The following PCDH11X variants were observed in gnomAD, a reference collection of about 807,000 sequenced individuals.
PCDH11X encodes the protein protocadherin-11 X-linked.
A neutral mutation model predicts 53.3 loss-of-function variants in PCDH11X; 18 were observed. The observed-to-expected ratio is 0.34, with a 90% CI of 0.23 to 0.50. The LOEUF (loss-of-function observed/expected upper bound fraction) is 0.50, where lower values mean the gene tolerates loss of function less well. PCDH11X is among the 20% of genes least tolerant of loss of function. PCDH11X has a pLI of 0.98. For synonymous variants in PCDH11X, 279 were observed against 393.3 expected (o/e 0.71, Z 3.44); for missense variants, 570 against 1,032.4 (o/e 0.55, Z 6.14).
chrX:91,826,013 C>G (rs1032786536), intron 4 of PCDH11X, among the ~76,000 whole-genome samples: 17 of 109,743 alleles, frequency 1.5e-4, no homozygotes, highest in Non-Finnish European at 3.0e-4. Context: ...TATACTAATA[C>G]TTTTGAAGCA....
At chrX:92,103,104 A>G (rs1602927612) in intron 6 of PCDH11X, among the ~76,000 whole-genome samples, 1 of 110,258 alleles carries the variant, frequency 9.1e-6, no homozygotes, top group East Asian at 2.9e-4. Flanking sequence ...GTGGGGGGAT[A>G]TGAGAGGAAG....
chrX:91,887,678 A>G (rs1217562308), intron 6 of PCDH11X, among the ~76,000 whole-genome samples: 1 of 111,953 alleles, frequency 8.9e-6, no homozygotes, highest in Non-Finnish European at 1.9e-5. Context: ...TGAAGGCTAT[A>G]TAACTTTTTG....
intron 6 of PCDH11X, among the ~76,000 whole-genome samples, chrX:92,167,239 T>C (rs2065750727): frequency 9.0e-6 from 1 of 111,466 alleles, no homozygotes; most frequent in African/African-American, 3.3e-5. Flanking sequence ...CAGGGAATCT[T>C]CTCTTAAGAA....
At chrX:92,019,974 G>C (rs146529761) in intron 6 of PCDH11X, among the ~76,000 whole-genome samples, 1,745 of 111,846 alleles carry the variant, frequency 0.016, 19 homozygotes, top group Middle Eastern at 0.028. Flanking sequence ...TGAGGCAGGG[G>C]AGCCCCCAAT....
At chrX:91,866,070 AT>A (rs1938972126) in intron 5 of PCDH11X, among the ~76,000 whole-genome samples, 1 of 110,374 alleles carries the variant, frequency 9.1e-6, no homozygotes, top group Non-Finnish European at 1.9e-5. Flanking sequence ...TGGGGGCCTC[AT>A]GACTCTATCC....
intron 6 of PCDH11X, among the ~76,000 whole-genome samples, chrX:91,987,434 C>G (rs764184314): frequency 2.3e-4 from 26 of 111,596 alleles, no homozygotes; most frequent in Non-Finnish European, 4.1e-4. Flanking sequence ...TATTATTAAA[C>G]TTAATGAGTG....
At chrX:91,786,912 A>G (rs751881386) in intron 1 of PCDH11X, among the ~76,000 whole-genome samples, 123 of 111,773 alleles carry the variant, frequency 1.1e-3, no homozygotes, top group Non-Finnish European at 2.1e-3. Context: ...TCTTGGATTA[A>G]AAAATAAAAA....
chrX:91,808,490 GTC>G (rs1355048949), intron 1 of PCDH11X, among the ~76,000 whole-genome samples: 1 of 89,948 alleles, frequency 1.1e-5, no homozygotes, highest in Non-Finnish European at 2.1e-5. Context: ...GCTAGACTCT[GTC>G]TCAAGAAAAA....
At chrX:91,966,762 T>G (rs1215967412) in intron 6 of PCDH11X, among the ~76,000 whole-genome samples, 5 of 111,576 alleles carry the variant, frequency 4.5e-5, no homozygotes, top group African/African-American at 1.6e-4. Flanking sequence ...TTTTATTGCA[T>G]AAAAAAAAGA....
chrX:92,274,549 G>T (rs1003259171), intron 8 of PCDH11X, among the ~76,000 whole-genome samples: 1 of 111,406 alleles, frequency 9.0e-6, no homozygotes, highest in African/African-American at 3.3e-5. Flanking sequence ...AGGTATTTTA[G>T]TTATCTGACT....
At chrX:92,240,849 T>G (rs2067251290) in intron 7 of PCDH11X, among the ~76,000 whole-genome samples, 1 of 111,034 alleles carries the variant, frequency 9.0e-6, no homozygotes, top group African/African-American at 3.3e-5. Context: ...CTTTTTTTTT[T>G]TTAGCAGTTT....
At chrX:92,088,926 CCAAAACAAAA>C (rs922190982) in intron 6 of PCDH11X, among the ~76,000 whole-genome samples, 1 of 109,783 alleles carries the variant, frequency 9.1e-6, no homozygotes, top group South Asian at 3.8e-4. Flanking sequence ...GAAGAAATTA[CCAAAACAAAA>C]CAAAACAAAA....
At chrX:91,938,027 T>C (rs1690756647) in intron 6 of PCDH11X, among the ~76,000 whole-genome samples, 2 of 110,837 alleles carry the variant, frequency 1.8e-5, no homozygotes, top group Admixed American at 1.9e-4. Flanking sequence ...TGAGCTTCTA[T>C]TTTGCATATA....
chrX:92,525,631 CAAAAAAA>C (rs60062573), intron 10 of PCDH11X, among the ~76,000 whole-genome samples: 1 of 49,100 alleles, frequency 2.0e-5, no homozygotes. Flanking sequence ...AACTCTTTCT[CAAAAAAA>C]AAAAAAAAAA....
chrX:92,250,018 T>C (rs933180001), intron 7 of PCDH11X, among the ~76,000 whole-genome samples: 3 of 111,400 alleles, frequency 2.7e-5, no homozygotes, highest in African/African-American at 6.5e-5. Flanking sequence ...CTTTTAAAAA[T>C]TGTCATTCGC....
intron 6 of PCDH11X, among the ~76,000 whole-genome samples, chrX:91,891,987 C>T (rs752945707): frequency 2.2e-5 from 2 of 89,224 alleles, no homozygotes; most frequent in African/African-American, 8.0e-5. Context: ...TATAAAATTT[C>T]AGTGTTTACT....
intron 5 of PCDH11X, among the ~76,000 whole-genome samples, chrX:91,840,721 T>C (rs1277384240): frequency 9.1e-6 from 1 of 110,336 alleles, no homozygotes; most frequent in Non-Finnish European, 1.9e-5. Context: ...GCAAACTTTG[T>C]TGTTCTGAAG....
intron 8 of PCDH11X, among the ~76,000 whole-genome samples, chrX:92,308,768 A>G (rs976131418): frequency 2.7e-5 from 3 of 111,586 alleles, no homozygotes; most frequent in African/African-American, 9.8e-5. Flanking sequence ...CAGAATAGCT[A>G]AAGTATTCCT....
rs554439028 is a variant in PCDH11X at position 92,413,789 on chromosome X, A to G, written c.3343+25856A>G. On this transcript the variant is annotated intron_variant, in intron 9 of 10. Transcript: ENST00000682573. Reference sequence around the variant, plus strand: ...AAGTGGCCAAATATACATATTCAGTAAGCTATAGGAGGAGGCATGAATATT... The same window carrying G: ...AAGTGGCCAAATATACATATTCAGTGAGCTATAGGAGGAGGCATGAATATT... Among the ~76,000 whole-genome samples the G allele has an allele frequency of 2.8e-5, 3 of 108,100 alleles. No individual in the cohort carries two copies. The South Asian group carries it at 1.3e-3, about 46-fold the overall frequency. 93.9% of individuals were successfully genotyped at this position (108,100 alleles called of 115,157 possible). A position where few individuals can be genotyped will look rare whatever the true frequency, so the allele number is the denominator to read the frequency against.
Sources: gnomAD v4.1 joint callset for allele counts (sites outside exome capture counted in the v4.1 genomes callset) on GRCh38, gnomAD v4.1.1 for gene constraint, MANE v1.5 for transcripts, NCBI Gene and HGNC (gene_info 2026-07-23, HGNC 2026-07-21) for gene names.